Variants in NEBL observed in about 807,000 individuals in gnomAD.
NEBL encodes the protein LIM and SH3 protein 2.
In NEBL, 122 loss-of-function variants were observed where a neutral mutation model predicts 140.2. The observed-to-expected ratio is 0.87, with a 90% CI of 0.75 to 1.01. The LOEUF (loss-of-function observed/expected upper bound fraction) is 1.01. Ranked by LOEUF, NEBL falls within the 50% of genes least tolerant of loss-of-function variation. The pLI is 0.00. For synonymous variants in NEBL, 436 were observed against 398.9 expected (o/e 1.09, Z -1.11); for missense variants, 1,365 against 1,231.3 (o/e 1.11, Z -1.62).
chr10:20,996,433 C>A (rs900433401), intron 3 of NEBL, among the ~76,000 whole-genome samples: 1 of 152,184 alleles, frequency 6.6e-6, no homozygotes, highest in Non-Finnish European at 1.5e-5. Context: ...TGGTTATTTC[C>A]TGGGTGCCTG....
At chr10:20,792,881 G>A (rs951214263) in intron 26 of NEBL, among the ~76,000 whole-genome samples, 4 of 151,934 alleles carry the variant, frequency 2.6e-5, no homozygotes, top group Non-Finnish European at 5.9e-5. Flanking sequence ...CACGGCCATG[G>A]TATGGACCTT....
At chr10:20,858,379 G>A in intron 8 of NEBL, 35 bp from the exon 9 acceptor site, 1 of 1,470,640 alleles carries the variant, frequency 6.8e-7, no homozygotes, top group Non-Finnish European at 9.5e-7. Context: ...TACCATCGAG[G>A]AGAAGAAAAT....
At chr10:20,828,054 G>A (rs1225423175) in intron 17 of NEBL, among the ~76,000 whole-genome samples, 3 of 151,474 alleles carry the variant, frequency 2.0e-5, no homozygotes, top group Non-Finnish European at 4.4e-5. Flanking sequence ...AACCTGCACA[G>A]GTACCCCCAA....
chr10:21,011,941 T>G (rs1213569727), intron 3 of NEBL, among the ~76,000 whole-genome samples: 1 of 152,224 alleles, frequency 6.6e-6, no homozygotes, highest in African/African-American at 2.4e-5. Context: ...TGGGAGAGAC[T>G]AAGATTCTGG....
At chr10:21,168,478 T>C (rs1365970762) in intron 2 of NEBL, among the ~76,000 whole-genome samples, 2 of 152,182 alleles carry the variant, frequency 1.3e-5, no homozygotes, top group African/African-American at 4.8e-5. Flanking sequence ...CTAAGAAAAG[T>C]TGTCATTTTC....
chr10:20,901,584 A>T (rs548721793), upstream of NEBL, among the ~76,000 whole-genome samples: 1 of 146,926 alleles, frequency 6.8e-6, no homozygotes, highest in African/African-American at 2.5e-5. Flanking sequence ...GAGTGGGGGG[A>T]AAAAAGTACA....
intron 3 of NEBL, among the ~76,000 whole-genome samples, chr10:20,965,634 C>T (rs978995550): frequency 3.9e-5 from 6 of 152,122 alleles, no homozygotes; most frequent in African/African-American, 9.7e-5. Context: ...TCATGGGGCC[C>T]GTGGAGGTTT....
At chr10:21,104,654 C>A (rs925456768) in intron 2 of NEBL, among the ~76,000 whole-genome samples, 3 of 152,028 alleles carry the variant, frequency 2.0e-5, no homozygotes, top group Non-Finnish European at 4.4e-5. Flanking sequence ...TCCACATAGA[C>A]AATCATGTGG....
intron 3 of NEBL, among the ~76,000 whole-genome samples, chr10:20,973,747 G>A (rs926732029): frequency 9.2e-5 from 14 of 152,198 alleles, no homozygotes; most frequent in Admixed American, 4.6e-4. Context: ...AAGTCAAGAG[G>A]TTTGATTTAG....
At chr10:21,053,387 A>G (rs938741377) in intron 2 of NEBL, among the ~76,000 whole-genome samples, 1 of 152,180 alleles carries the variant, frequency 6.6e-6, no homozygotes, top group African/African-American at 2.4e-5. Context: ...ATACTCATCC[A>G]CACTCACAAG....
At position 21,245,853 on chromosome 10, in the gene NEBL, G is replaced by A. The variant is rs147485086; in HGVS notation, n.348+2068C>T. 2.3e-4 allele frequency among the ~76,000 whole-genome samples: 35 copies of A among 152,254 alleles called. No homozygotes were observed. The East Asian group carries it at 2.3e-3, about 10-fold the overall frequency. On this transcript the variant is annotated intron_variant and non_coding_transcript_variant, in intron 3 of 8. Coordinates refer to the NEBL transcript ENST00000675702. ...TAGCATTACAGGTGCCCACCACTAC[G>A]CCTGGCTAATTTTTTGTATCTTTAG... is the stretch of plus-strand genomic sequence containing the variant.
intron 7 of NEBL, among the ~76,000 whole-genome samples, chr10:20,863,766 G>C (rs896990224): frequency 6.6e-6 from 1 of 152,140 alleles, no homozygotes; most frequent in East Asian, 1.9e-4. Context: ...AAGTGAAATG[G>C]ATTTCGAAAA....
chr10:21,094,881 T>A (rs1837108943), intron 2 of NEBL, among the ~76,000 whole-genome samples: 1 of 152,282 alleles, frequency 6.6e-6, no homozygotes, highest in Admixed American at 6.5e-5. Context: ...ACTAGAACCC[T>A]CTCGTCATAG....
chr10:20,878,888 T>G (rs1418705254), intron 5 of NEBL, among the ~76,000 whole-genome samples: 2 of 152,124 alleles, frequency 1.3e-5, no homozygotes, highest in African/African-American at 2.4e-5. Flanking sequence ...GTTAAAATAA[T>G]AAGCCCAGTT....
At chr10:21,049,329 A>G (rs1216346571) in intron 2 of NEBL, among the ~76,000 whole-genome samples, 1 of 152,128 alleles carries the variant, frequency 6.6e-6, no homozygotes, top group Non-Finnish European at 1.5e-5. Flanking sequence ...GGCCCACCAC[A>G]CCCAGGGTCT....
chr10:21,029,998 A>G (rs531127343), intron 2 of NEBL: 13 of 497,966 alleles, frequency 2.6e-5, no homozygotes, highest in African/African-American at 1.9e-4. Context: ...GTCCCCCTCA[A>G]AGACCCAAAC....
At chr10:20,949,741 G>GT (rs1299114377) in intron 4 of NEBL, among the ~76,000 whole-genome samples, 2 of 150,764 alleles carry the variant, frequency 1.3e-5, no homozygotes, top group Admixed American at 6.6e-5. Context: ...TTTGTGTTTT[G>GT]TTTTTTTTCT....
intron 3 of NEBL, among the ~76,000 whole-genome samples, chr10:20,969,453 T>A (rs1243449106): frequency 1.4e-5 from 2 of 146,740 alleles, no homozygotes; most frequent in Non-Finnish European, 3.0e-5. Flanking sequence ...TTTACCAGAT[T>A]TGGGGTTCTT....
At chr10:20,944,667 T>G (rs12414680) in intron 4 of NEBL, among the ~76,000 whole-genome samples, 24,174 of 152,188 alleles carry the variant, frequency 0.16, 2,235 homozygotes, top group Middle Eastern at 0.28. Flanking sequence ...TGTATCACAG[T>G]TGGAGCGTGA....
Sources: gnomAD v4.1 joint callset for allele counts (sites outside exome capture counted in the v4.1 genomes callset) on GRCh38, gnomAD v4.1.1 for gene constraint, MANE v1.5 for transcripts, NCBI Gene and HGNC (gene_info 2026-07-23, HGNC 2026-07-21) for gene names.